PDGFA: variants seen among roughly 807,000 people sequenced by gnomAD.
PDGFA encodes the protein platelet derived growth factor subunit A, also known as platelet-derived growth factor subunit A.
A neutral mutation model predicts 25.6 loss-of-function variants in PDGFA; 9 were observed. The ratio of observed to expected loss-of-function variants is 0.35; its 90% CI spans 0.21 to 0.61. PDGFA has a LOEUF of 0.61. PDGFA is among the 20% of genes least tolerant of loss of function. The pLI, the probability that PDGFA is intolerant of heterozygous loss-of-function variation, is 0.75. For synonymous variants in PDGFA, 133 were observed against 111.8 expected (o/e 1.19, Z -1.20); for missense variants, 242 against 272.8 (o/e 0.89, Z 0.79).
intron 4 of PDGFA, among the ~76,000 whole-genome samples, chr7:506,063 C>A (rs1261535989): frequency 6.6e-6 from 1 of 151,598 alleles, no homozygotes; most frequent in African/African-American, 2.4e-5. Context: ...GTAATCCCAG[C>A]TACTCGAGAG....
chr7:510,359 T>C (rs1782743710), intron 4 of PDGFA, among the ~76,000 whole-genome samples: 2 of 151,632 alleles, frequency 1.3e-5, no homozygotes, highest in African/African-American at 4.8e-5. Context: ...CCTTGTGGCC[T>C]CCCAGGAGGG....
intron 2 of PDGFA, among the ~76,000 whole-genome samples, chr7:516,105 C>T (rs956942453): frequency 7.0e-6 from 1 of 142,980 alleles, no homozygotes; most frequent in East Asian, 2.1e-4. Context: ...GATTCCCCCC[C>T]ACAAACCAGA....
chr7:509,181 G>T (rs533460531), intron 4 of PDGFA, among the ~76,000 whole-genome samples: 43 of 152,362 alleles, frequency 2.8e-4, no homozygotes, highest in African/African-American at 9.9e-4. Context: ...CAGGGAGGAA[G>T]GCCCTGCTGT....
At chr7:507,687 G>C (rs140951108) in intron 4 of PDGFA, among the ~76,000 whole-genome samples, 1 of 152,170 alleles carries the variant, frequency 6.6e-6, no homozygotes, top group African/African-American at 2.4e-5. Context: ...CAGGCATCCC[G>C]GACTCAGAGC....
Position 500,425 on chromosome 7 carries a change from T to G in PDGFA, c.580+691A>C, listed in dbSNP as rs775882007. 1 of 1,613,882 alleles carries G rather than the reference T, an allele frequency of 6.2e-7. No homozygotes were observed. Among genetic ancestry groups the G allele is most frequent in the Non-Finnish European group, 8.5e-7 (1 of 1,179,898 alleles). On this transcript the variant is annotated intron_variant, in intron 5 of 5. Coordinates refer to ENST00000402802, the Ensembl canonical transcript of PDGFA. This position sits in a 1 kb window ranked among gnomAD's most constrained non-coding sequence, Gnocchi z 5.0. ...AGGACTCAGTGTGTCCGGCAGACAGTCCTACCTGGTTGGCTGCTTTAGGTG... is the reference window on the plus strand; with the variant it reads ...AGGACTCAGTGTGTCCGGCAGACAGGCCTACCTGGTTGGCTGCTTTAGGTG...
In PDGFA at chr7:500,763, G is replaced by A; in HGVS notation, c.580+353C>T. ...CAGGGCAACTGCAGTCCTCGAACCT[G>A]CTCCTCCCGCCCACCCTGGCAGGAG... On this transcript the variant is annotated intron_variant, in intron 5 of 5. Transcript: ENST00000402802. The surrounding 1 kb of genome is among the most constrained non-coding windows in gnomAD (Gnocchi z 5.0). 1 of 1,439,562 alleles carries A rather than the reference G, an allele frequency of 6.9e-7. No homozygotes were observed. Among genetic ancestry groups the A allele is most frequent in the Non-Finnish European group, 9.1e-7 (1 of 1,099,318 alleles). 89.2% of individuals were successfully genotyped at this position (1,439,562 alleles called of 1,614,324 possible). A position where few individuals can be genotyped will look rare whatever the true frequency, so the allele number is the denominator to read the frequency against.
At chr7:499,802 G>A (rs542297502) in intron 5 of PDGFA, among the ~76,000 whole-genome samples, 1 of 145,358 alleles carries the variant, frequency 6.9e-6, no homozygotes, top group Non-Finnish European at 1.5e-5. Context: ...CTTGGGCCAT[G>A]AGGCAACTGC....
intron 2 of PDGFA, chr7:512,977 C>G (rs1168498878): frequency 9.1e-6 from 2 of 219,498 alleles, no homozygotes; most frequent in African/African-American, 4.5e-5. Flanking sequence ...TAAAGCACTC[C>G]TGGAAGAAGT....
intron 4 of PDGFA, among the ~76,000 whole-genome samples, chr7:507,506 G>A (rs1782611845): frequency 6.6e-6 from 1 of 152,212 alleles, no homozygotes; most frequent in Non-Finnish European, 1.5e-5. Flanking sequence ...GGGAGGGAGA[G>A]AACACTGCCC....
At chr7:499,086 T>C (rs563580922) in intron 5 of PDGFA, among the ~76,000 whole-genome samples, 11 of 152,314 alleles carry the variant, frequency 7.2e-5, no homozygotes, top group African/African-American at 2.4e-4. Flanking sequence ...GGGCTGCCTA[T>C]AGGCTGAACA....
At chr7:505,902 G>A (rs543501755) in intron 4 of PDGFA, among the ~76,000 whole-genome samples, 2 of 152,164 alleles carry the variant, frequency 1.3e-5, no homozygotes, top group Non-Finnish European at 2.9e-5. Flanking sequence ...AGCTGGGTGC[G>A]GTGGCTCACG....
chr7:517,482 C>G lies in PDGFA; in HGVS notation c.72G>C (p.Glu24Asp). Residue 24 changes from glutamate to aspartate, a missense_variant, in exon 2 of 6, where the codon GAG becomes GAC. Coordinates refer to ENST00000402802, the Ensembl canonical transcript of PDGFA. This position sits in a 1 kb window ranked among gnomAD's most constrained non-coding sequence, Gnocchi z 7.4. ...GCCTCTCGATCACCTCGCGGGGGAT[C>G]TCGGCTTCCTGCAAGCAGAGGCCAC... 2.3e-6 allele frequency: 3 copies of G among 1,328,650 alleles called. No homozygotes were observed. The highest frequency in any genetic ancestry group is 2.9e-6 in the Non-Finnish European group (3 of 1,024,478). The allele number at this position is 1,328,650 out of a possible 1,614,324, so 82.3% of individuals were successfully genotyped here. A position where few individuals can be genotyped will look rare whatever the true frequency, so the allele number is the denominator to read the frequency against.
chr7:514,400 A>T (rs1239435964), intron 2 of PDGFA, among the ~76,000 whole-genome samples: 2 of 152,200 alleles, frequency 1.3e-5, no homozygotes, highest in East Asian at 3.9e-4. Context: ...CAAGGGACAG[A>T]GGGGGAATAG....
rs748309313 is a variant in PDGFA at position 514,296 on chromosome 7, G to A, written c.161-1841C>T. Among the ~76,000 whole-genome samples, 5 of 152,264 alleles carry A rather than the reference G, an allele frequency of 3.3e-5. No homozygotes were observed. The South Asian group carries it at 8.3e-4, about 25-fold the overall frequency. ...CCACAGAGCACAGTCCCCGTGCCCC[G>A]CCACCCTCTAGCCCTGGCTTAATAA... On this transcript the variant is annotated intron_variant, in intron 2 of 5. Coordinates refer to ENST00000402802, the Ensembl canonical transcript of PDGFA.
In PDGFA at chr7:509,752, C is replaced by T. The variant is rs376880964; in HGVS notation, c.453+1057G>A. The stretch of plus-strand genomic sequence containing the variant: ...CTCCAGCGGAGACACAGTCTGCCGG[C>T]GCCCTGATCTTGGACTTCCAGCCTC... On this transcript the variant is annotated intron_variant, in intron 4 of 5. Transcript: ENST00000402802. Among the ~76,000 whole-genome samples the T allele has an allele frequency of 5.9e-5, 9 of 152,278 alleles. No individual in the cohort carries two copies. In the East Asian group the frequency reaches 1.2e-3, roughly 20 times the overall value.
intron 2 of PDGFA, among the ~76,000 whole-genome samples, chr7:514,386 G>A (rs1312074539): frequency 2.0e-5 from 3 of 152,188 alleles, no homozygotes; most frequent in Non-Finnish European, 4.4e-5. Context: ...CAAATTTCTT[G>A]AGACAAGGGA....
Position 505,764 on chromosome 7 carries a change from C to G in PDGFA, c.454-4522G>C, listed in dbSNP as rs1187137857. Among the ~76,000 whole-genome samples, 5 of 152,338 alleles carry G rather than the reference C, an allele frequency of 3.3e-5. No individual in the cohort carries two copies. In the East Asian group the frequency reaches 9.7e-4, roughly 29 times the overall value. On this transcript the variant is annotated intron_variant, in intron 4 of 5. Transcript: ENST00000402802. ...CCCTAGCCTGCACTCCTTCTCACCT[C>G]TTTCACGGAAAGAAAGCCTAGAGTC...
chr7:502,768 T>TCTCACA (rs1554273864), intron 4 of PDGFA, among the ~76,000 whole-genome samples: 1 of 126,034 alleles, frequency 7.9e-6, no homozygotes, highest in Non-Finnish European at 1.7e-5. Context: ...AGGCAAGAAA[T>TCTCACA]CACACACACA....
upstream of PDGFA, chr7:519,543 G>A (rs933791262): frequency 2.7e-5 from 4 of 148,004 alleles, no homozygotes; most frequent in African/African-American, 9.8e-5. Context: ...GCTCGCCTCC[G>A]GCCTCCTCTT....
Sources: gnomAD v4.1 joint callset for allele counts (sites outside exome capture counted in the v4.1 genomes callset) on GRCh38, gnomAD v4.1.1 for gene constraint, Gnocchi (gnomAD v3.1) non-coding constraint, MANE v1.5 for transcripts, NCBI Gene and HGNC (gene_info 2026-07-23, HGNC 2026-07-21) for gene names.